Variants in CDH13 observed in about 807,000 individuals in gnomAD.
CDH13 encodes cadherin 13, also known as cadherin-13.
Under a neutral mutation model 63.8 loss-of-function variants are expected in CDH13, and 24 were observed. The ratio of observed to expected loss-of-function variants is 0.38; its 90% CI spans 0.27 to 0.53. CDH13 has a LOEUF of 0.53. Ranked by LOEUF, CDH13 falls within the 20% of genes least tolerant of loss-of-function variation. The pLI, the probability that CDH13 is intolerant of heterozygous loss-of-function variation, is 0.85. For missense variants in CDH13, 1,049 were observed against 903.1 expected, an observed-to-expected ratio of 1.16 and a Z score of -2.07; for synonymous variants, 503 against 355.3, an observed-to-expected ratio of 1.42 and a Z score of -4.67.
chr16:83,720,953 G>A (rs560787425), intron 10 of CDH13, among the ~76,000 whole-genome samples: 14 of 152,332 alleles, frequency 9.2e-5, no homozygotes, highest in African/African-American at 3.1e-4. Context: ...GAGCCATCAG[G>A]CCCTCAGGAA....
intron 5 of CDH13, among the ~76,000 whole-genome samples, chr16:83,247,450 C>T (rs560401185): frequency 6.6e-6 from 1 of 151,948 alleles, no homozygotes; most frequent in South Asian, 2.1e-4. Context: ...ATTTTTATTT[C>T]TGCTGAACTC....
At chr16:82,827,231 G>A (rs1400104274) in intron 1 of CDH13, among the ~76,000 whole-genome samples, 4 of 152,224 alleles carry the variant, frequency 2.6e-5, no homozygotes, top group East Asian at 1.9e-4. Flanking sequence ...GACAGAGAGA[G>A]AGTGGCATAA....
chr16:83,534,755 A>G (rs2075151402), intron 7 of CDH13, among the ~76,000 whole-genome samples: 1 of 152,118 alleles, frequency 6.6e-6, no homozygotes, highest in African/African-American at 2.4e-5. Flanking sequence ...CTACTTCCTC[A>G]CTATTATGAG....
chr16:83,374,636 G>C (rs914324239), intron 6 of CDH13, among the ~76,000 whole-genome samples: 1 of 152,166 alleles, frequency 6.6e-6, no homozygotes, highest in African/African-American at 2.4e-5. Flanking sequence ...GATTTGTTTC[G>C]AGGCGGAAGA....
At chr16:82,892,950 A>T (rs2041131822) in intron 2 of CDH13, among the ~76,000 whole-genome samples, 1 of 152,240 alleles carries the variant, frequency 6.6e-6, no homozygotes, top group African/African-American at 2.4e-5. Flanking sequence ...CTCCAAGACA[A>T]AGTTTGTAAA....
At chr16:82,718,668 C>T (rs985149712) in intron 1 of CDH13, among the ~76,000 whole-genome samples, 1 of 152,114 alleles carries the variant, frequency 6.6e-6, no homozygotes, top group African/African-American at 2.4e-5. Flanking sequence ...AGGTGAAAGG[C>T]ACATCTCACA....
chr16:83,430,507 G>T (rs1008750538), intron 6 of CDH13, among the ~76,000 whole-genome samples: 6 of 152,134 alleles, frequency 3.9e-5, no homozygotes, highest in African/African-American at 7.2e-5. Flanking sequence ...TCCCTGAATT[G>T]AAAGCAAAAT....
chr16:83,625,252 C>G (rs17760896), intron 8 of CDH13, among the ~76,000 whole-genome samples: 25,160 of 151,908 alleles, frequency 0.17, 2,416 homozygotes, highest in Middle Eastern at 0.26. Flanking sequence ...GTAATTTAAG[C>G]CAAAATGACG....
At chr16:83,165,910 A>G (rs1241857536) in intron 4 of CDH13, among the ~76,000 whole-genome samples, 2 of 152,136 alleles carry the variant, frequency 1.3e-5, no homozygotes, top group Non-Finnish European at 2.9e-5. Flanking sequence ...GAGAGAGAAG[A>G]GTAGCCTGGA....
At chr16:83,788,252 G>C (rs759862010) in intron 13 of CDH13, among the ~76,000 whole-genome samples, 3 of 152,146 alleles carry the variant, frequency 2.0e-5, no homozygotes, top group Non-Finnish European at 4.4e-5. Flanking sequence ...CTCGGGACTG[G>C]AAATGAGTGT....
intron 2 of CDH13, among the ~76,000 whole-genome samples, chr16:82,947,192 G>A (rs888638169): frequency 5.3e-5 from 8 of 152,076 alleles, no homozygotes; most frequent in African/African-American, 1.9e-4. Flanking sequence ...ACCAGAGTAG[G>A]TGGTTATTCC....
rs116551481 is a variant in CDH13, at chr16:83,603,859, A to G, written c.1101+1265A>G. 3.7e-3 allele frequency among the ~76,000 whole-genome samples: 564 copies of G among 152,320 alleles called. 7 individuals carry two copies. The highest frequency in any genetic ancestry group is 0.013 in the African/African-American group (526 of 41,570). ...CAGGGATCCTGGCTGGGGAGACCTC[A>G]GGAAACATTCAGTCATGGCAGAAGG... On this transcript the variant is annotated intron_variant, in intron 8 of 13. Transcript: ENST00000567109.
At chr16:83,646,509 T>A (rs1187512545) in intron 8 of CDH13, among the ~76,000 whole-genome samples, 2 of 151,952 alleles carry the variant, frequency 1.3e-5, no homozygotes, top group Admixed American at 1.3e-4. Context: ...AAGACCAGTC[T>A]GGCCAAAATG....
intron 3 of CDH13, among the ~76,000 whole-genome samples, chr16:83,115,702 C>T (rs2035260497): frequency 6.6e-6 from 1 of 152,246 alleles, no homozygotes; most frequent in South Asian, 2.1e-4. Flanking sequence ...ATTTCAGCTT[C>T]TGCAATGCTT....
intron 7 of CDH13, among the ~76,000 whole-genome samples, chr16:83,589,557 T>G (rs1906531851): frequency 1.3e-5 from 2 of 151,730 alleles, no homozygotes; most frequent in South Asian, 4.2e-4. Flanking sequence ...ATTCACAGAT[T>G]CCAGGAATTA....
At chr16:83,202,995 G>T (rs1466332405) in intron 4 of CDH13, among the ~76,000 whole-genome samples, 1 of 152,162 alleles carries the variant, frequency 6.6e-6, no homozygotes, top group Admixed American at 6.5e-5. Context: ...GGAGGCCAAG[G>T]TGGGAAGATC....
intron 1 of CDH13, among the ~76,000 whole-genome samples, chr16:82,788,685 G>T (rs115997552): frequency 6.6e-6 from 1 of 152,182 alleles, no homozygotes; most frequent in Non-Finnish European, 1.5e-5. Flanking sequence ...TTTGGCAGAA[G>T]CCAGCAGATC....
intron 8 of CDH13, among the ~76,000 whole-genome samples, chr16:83,618,745 G>GA (rs34512652): frequency 0.33 from 50,168 of 150,498 alleles, 8,520 homozygotes; most frequent in East Asian, 0.47. Context: ...CAAGTAAAAA[G>GA]AAAAAAAATC....
intron 2 of CDH13, among the ~76,000 whole-genome samples, chr16:82,885,630 T>G (rs1261865297): frequency 6.6e-6 from 1 of 152,160 alleles, no homozygotes; most frequent in Non-Finnish European, 1.5e-5. Flanking sequence ...TATCTGTATA[T>G]TCTTTAATCT....
Sources: allele counts gnomAD v4.1 joint callset (sites outside exome capture counted in the v4.1 genomes callset), GRCh38; gene constraint gnomAD v4.1.1; transcripts MANE v1.5; gene names NCBI Gene and HGNC (gene_info 2026-07-23, HGNC 2026-07-21).